The following STAG1 variants were observed in gnomAD, a reference collection of about 807,000 sequenced individuals.
STAG1 encodes cohesin subunit SA-1.
Under a neutral mutation model 170.9 loss-of-function variants are expected in STAG1, and 26 were observed. The ratio of observed to expected loss-of-function variants is 0.15; its 90% CI spans 0.11 to 0.21. The LOEUF is 0.21. Ranked by LOEUF, STAG1 falls within the 10% of genes least tolerant of loss-of-function variation. The pLI, the probability that STAG1 is intolerant of heterozygous loss-of-function variation, is 1.00. For missense variants in STAG1, 964 were observed against 1,509.5 expected (o/e 0.64, Z 5.99); for synonymous variants, 514 against 497.7 (o/e 1.03, Z -0.44).
At chr3:136,588,141 C>T (rs1037298146) in intron 4 of STAG1, among the ~76,000 whole-genome samples, 27 of 152,124 alleles carry the variant, frequency 1.8e-4, no homozygotes, top group Admixed American at 1.8e-3. Flanking sequence ...AACATGAATT[C>T]GCTCTTCACT....
chr3:136,349,592 G>C (rs1014921390), intron 28 of STAG1, among the ~76,000 whole-genome samples: 1 of 152,128 alleles, frequency 6.6e-6, no homozygotes, highest in Non-Finnish European at 1.5e-5. Context: ...CTAAGGGTGT[G>C]TATGTATGTA....
chr3:136,527,325 C>T (rs558631540), intron 6 of STAG1, among the ~76,000 whole-genome samples: 141 of 152,280 alleles, frequency 9.3e-4, no homozygotes, highest in African/African-American at 3.1e-3. Context: ...CTTCCTTTCT[C>T]GCTTCATTTC....
chr3:136,555,898 A>C (rs1291310890), intron 5 of STAG1, among the ~76,000 whole-genome samples: 2 of 152,176 alleles, frequency 1.3e-5, no homozygotes, highest in Non-Finnish European at 2.9e-5. Flanking sequence ...CAAAGTTTTC[A>C]TAACAAAACC....
chr3:136,627,786 T>C (rs1267209556), intron 2 of STAG1, among the ~76,000 whole-genome samples: 3 of 152,162 alleles, frequency 2.0e-5, no homozygotes, highest in Non-Finnish European at 4.4e-5. Flanking sequence ...AAGAGTAAGA[T>C]CAAATCTTGT....
At chr3:136,692,191 GTAA>G (rs1942748250) in intron 1 of STAG1, among the ~76,000 whole-genome samples, 1 of 151,386 alleles carries the variant, frequency 6.6e-6, no homozygotes, top group Non-Finnish European at 1.5e-5. Context: ...GCAGGTGCCT[GTAA>G]TACCAGCTAC....
At chr3:136,536,332 A>T (rs1200824776) in intron 6 of STAG1, among the ~76,000 whole-genome samples, 1 of 152,206 alleles carries the variant, frequency 6.6e-6, no homozygotes, top group African/African-American at 2.4e-5. Context: ...GAAACAAATT[A>T]TATGACCAGG....
chr3:136,644,063 C>T (rs1940900375), intron 1 of STAG1, among the ~76,000 whole-genome samples: 2 of 152,026 alleles, frequency 1.3e-5, no homozygotes, highest in South Asian at 4.1e-4. Context: ...TTATCACAAA[C>T]CTGAAGGACA....
chr3:136,538,223 A>AGT (rs1935734181), intron 6 of STAG1, among the ~76,000 whole-genome samples: 1 of 152,180 alleles, frequency 6.6e-6, no homozygotes, highest in Non-Finnish European at 1.5e-5. Flanking sequence ...ATATACATTT[A>AGT]ATTCTATTAA....
intron 23 of STAG1, among the ~76,000 whole-genome samples, chr3:136,369,600 G>C (rs148964430): frequency 3.3e-5 from 5 of 152,092 alleles, no homozygotes; most frequent in Admixed American, 3.3e-4. Flanking sequence ...TTGATTACAG[G>C]TCAAAGAACA....
intron 21 of STAG1, among the ~76,000 whole-genome samples, chr3:136,403,876 T>C (rs1242566658): frequency 6.6e-6 from 1 of 152,230 alleles, no homozygotes; most frequent in Non-Finnish European, 1.5e-5. Flanking sequence ...GTTTCACACA[T>C]TGGTATTCCT....
At chr3:136,666,291 C>T (rs1048448841) in intron 1 of STAG1, among the ~76,000 whole-genome samples, 1 of 151,978 alleles carries the variant, frequency 6.6e-6, no homozygotes, top group African/African-American at 2.4e-5. Context: ...GCGCTGCCAA[C>T]ACCTCGATTT....
At chr3:136,383,557 C>T (rs1373331517) in intron 22 of STAG1, among the ~76,000 whole-genome samples, 1 of 152,066 alleles carries the variant, frequency 6.6e-6, no homozygotes, top group Non-Finnish European at 1.5e-5. Context: ...AACATTTATC[C>T]ACACTTACTA....
chr3:136,430,427 C>T (rs748754432), intron 16 of STAG1, among the ~76,000 whole-genome samples: 4 of 152,022 alleles, frequency 2.6e-5, no homozygotes, highest in Non-Finnish European at 4.4e-5. Flanking sequence ...CAATTTTGCT[C>T]CAATATAGTT....
At chr3:136,625,190 G>A (rs890288700) in intron 2 of STAG1, among the ~76,000 whole-genome samples, 2 of 152,154 alleles carry the variant, frequency 1.3e-5, no homozygotes, top group African/African-American at 4.8e-5. Flanking sequence ...ATAGCAAATG[G>A]TAAGTCCAAC....
intron 4 of STAG1, among the ~76,000 whole-genome samples, chr3:136,599,833 T>C (rs1265824610): frequency 6.6e-6 from 1 of 152,238 alleles, no homozygotes; most frequent in Non-Finnish European, 1.5e-5. Context: ...TCATCTTCCT[T>C]ATTTTGTATA....
intron 1 of STAG1, among the ~76,000 whole-genome samples, chr3:136,694,419 T>C (rs1341485457): frequency 1.3e-5 from 2 of 151,814 alleles, no homozygotes; most frequent in East Asian, 3.9e-4. Context: ...AGTCTGAACC[T>C]AGCCTGGGCA....
At chr3:136,519,245 A>G (rs1364939962) in intron 7 of STAG1, among the ~76,000 whole-genome samples, 2 of 152,164 alleles carry the variant, frequency 1.3e-5, no homozygotes, top group East Asian at 3.8e-4. Flanking sequence ...ATGGCATACA[A>G]TTAACCTTTT....
intron 7 of STAG1, among the ~76,000 whole-genome samples, chr3:136,506,576 G>A (rs909080070): frequency 6.7e-6 from 1 of 149,748 alleles, no homozygotes; most frequent in African/African-American, 2.5e-5. Context: ...AACCCAGGAG[G>A]TAGAGATTGC....
At position 136,714,651 on chromosome 3, in the gene STAG1, C is replaced by T. The variant is rs538657796; in HGVS notation, c.-84+37544G>A. Among the ~76,000 whole-genome samples, 7 of 152,030 alleles carry T rather than the reference C, an allele frequency of 4.6e-5. No individual in the cohort carries two copies. The East Asian group carries it at 1.4e-3, about 29-fold the overall frequency. On this transcript the variant is annotated intron_variant, in intron 1 of 33. Coordinates refer to ENST00000383202, the MANE Select transcript of STAG1 (RefSeq NM_005862.3). ...GCTGAGGCAGGAGAATGGCATGAAC[C>T]CAGGAGGCGGAGCTTGCAGTGAGCC...
Sources: allele counts gnomAD v4.1 joint callset (sites outside exome capture counted in the v4.1 genomes callset), GRCh38; gene constraint gnomAD v4.1.1; transcripts MANE v1.5; gene names NCBI Gene and HGNC (gene_info 2026-07-23, HGNC 2026-07-21).